The following LRRC56 variants were observed in gnomAD, a reference collection of about 807,000 sequenced individuals.
LRRC56 encodes leucine rich repeat containing 56.
In LRRC56, 41 loss-of-function variants were observed where a neutral mutation model predicts 47.8. The observed-to-expected ratio is 0.86, with a 90% CI of 0.67 to 1.11. LRRC56 has a LOEUF of 1.11. Among genes scored for constraint, LRRC56 ranks in the 50% most tolerant of loss-of-function variants. The pLI is 0.00. For missense variants in LRRC56, 759 were observed against 704.2 expected (o/e 1.08, Z -0.88); for synonymous variants, 387 against 311.2 (o/e 1.24, Z -2.56).
chr11:550,286 G>A lies in LRRC56; in HGVS notation c.624+14G>A. The A allele has an allele frequency of 1.3e-6, 2 of 1,531,906 alleles. No individual in the cohort carries two copies. The highest frequency in any genetic ancestry group is 2.4e-5 in the East Asian group (1 of 42,208). 94.9% of individuals were successfully genotyped at this position (1,531,906 alleles called of 1,614,324 possible). ...CCCACCAACAAGGTGCGTGTCCCGG[G>A]CACCCGGCCAGCATGTGCATGGCCA... On this transcript the variant is annotated intron_variant, in intron 8 of 13. Transcript: ENST00000270115.
At chr11:551,559 G>C (rs557955498) in intron 9 of LRRC56, 92 bp from the exon 10 acceptor site, 1 of 1,347,712 alleles carries the variant, frequency 7.4e-7, no homozygotes, top group African/African-American at 1.5e-5. Flanking sequence ...AGGCCATGCA[G>C]CATGGGGATT....
chr11:550,088 A>C lies in LRRC56; in HGVS notation c.440A>C (p.Tyr147Ser), dbSNP rs909525339. ...LPALKELYAS[Y>S]NNISDLSPLC... ...GCTGCCCAGGAACTCTACGCCTCCT[A>C]CAACAACATCTCGGACCTGAGCCCA... Residue 147 changes from tyrosine (Y) to serine (S), a missense_variant, in exon 8 of 14, where the codon TAC becomes TCC. Tyr to Ser is a moderately radical substitution (Grantham distance 144). Transcript: ENST00000270115. 4.3e-6 allele frequency: 7 copies of C among 1,612,422 alleles called. No homozygotes were observed. In the African/African-American group the frequency reaches 5.3e-5, roughly 12 times the overall value.
At chr11:548,765 G>GT (rs1564803881) in intron 6 of LRRC56, among the ~76,000 whole-genome samples, 1 of 152,160 alleles carries the variant, frequency 6.6e-6, no homozygotes, top group East Asian at 1.9e-4. Context: ...GCCTCAAGTG[G>GT]TTTTTTAAGG....
chr11:527,344 G>A, the LRRC56 span, among the ~76,000 whole-genome samples: 7 of 152,054 alleles, frequency 4.6e-5, no homozygotes, highest in South Asian at 2.1e-4. Context: ...TGCTAACCAC[G>A]AGCACCTTGC....
At chr11:510,637 C>T in the LRRC56 span, among the ~76,000 whole-genome samples, 1 of 152,148 alleles carries the variant, frequency 6.6e-6, no homozygotes, top group Non-Finnish European at 1.5e-5. Context: ...ACTCGGGAGA[C>T]TGAGGCATAA....
intron 6 of LRRC56, among the ~76,000 whole-genome samples, chr11:549,106 A>C (rs1375333987): frequency 3.9e-5 from 6 of 152,156 alleles, no homozygotes; most frequent in Non-Finnish European, 7.4e-5. Context: ...AGCTGAAAAC[A>C]CAGTGGGCGG....
rs1027803678 is a variant in LRRC56, at chr11:538,628, C to G, written c.-391C>G. The G allele has an allele frequency of 1.3e-5, 2 of 152,376 alleles. No individual in the cohort carries two copies. Among genetic ancestry groups the G allele is most frequent in the Non-Finnish European group, 2.9e-5 (2 of 68,156 alleles). 9.4% of individuals were successfully genotyped at this position (152,376 alleles called of 1,614,324 possible). ...CAACTCGCCTGGCACAGGGGCAGCT[C>G]TAGACGGGATGGAGAGGATGCATCT... On this transcript the variant is annotated 5_prime_UTR_variant, in exon 2 of 14. Transcript: ENST00000270115.
chr11:530,377 G>A, the LRRC56 span, among the ~76,000 whole-genome samples: 3,473 of 152,330 alleles, frequency 0.023, 54 homozygotes, highest in Non-Finnish European at 0.033. Context: ...GAAGTCTATC[G>A]ATGGGGAAGC....
chr11:525,041 A>AGCC, the LRRC56 span, among the ~76,000 whole-genome samples: 4 of 151,068 alleles, frequency 2.6e-5, no homozygotes, highest in Non-Finnish European at 4.4e-5. Flanking sequence ...GGTTGCAGTG[A>AGCC]GCCAAGATCT....
rs764740611 is a variant in LRRC56 at position 554,247 on chromosome 11, C to T, written c.1600C>T (p.Leu534Phe). The stretch of plus-strand genomic sequence containing the variant: ...AGCTAGACCTCCCAGGGCAGCTGAA[C>T]TCTCTCACCCCAGCCCCGTCCCCAC... ...AAARPPRAAE[L>F]SHPSPVPT is the part of the protein sequence containing the mutation. The change falls in exon 14 of 14, where the codon CTC (leucine) becomes TTC (phenylalanine). Residue 534 changes from leucine to phenylalanine, a missense_variant. Leu to Phe is a conservative substitution (Grantham distance 22). Coordinates refer to ENST00000270115, the MANE Select transcript of LRRC56 (RefSeq NM_198075.4). The T allele has an allele frequency of 4.6e-6, 7 of 1,506,326 alleles. No homozygotes were observed. The highest frequency in any genetic ancestry group is 6.2e-6 in the Non-Finnish European group (7 of 1,131,228). 93.3% of individuals were successfully genotyped at this position (1,506,326 alleles called of 1,614,324 possible).
chr11:530,475 GAGTGTGGCGTCCCCTGGAGAGAAGGGC>G, the LRRC56 span, among the ~76,000 whole-genome samples: 1 of 125,048 alleles, frequency 8.0e-6, no homozygotes, highest in African/African-American at 3.3e-5. Context: ...AGAGAAGGGC[GAGTGTGGCGTCCCCTGGAGAGAAGGGC>G]GAGTGTGGCG....
upstream of LRRC56, chr11:532,755 C>T: frequency 6.2e-7 from 1 of 1,612,628 alleles, no homozygotes; most frequent in Non-Finnish European, 8.5e-7. Context: ...TCCTCCACTC[C>T]CTGGGAAAGG....
the LRRC56 span, chr11:532,467 CTCCT>C: frequency 3.3e-6 from 3 of 909,078 alleles, no homozygotes; most frequent in Non-Finnish European, 5.0e-6. Context: ...TTCCTTCCTC[CTCCT>C]TCCGTCTGCA....
Position 541,719 on chromosome 11 carries a change from AC to A in LRRC56, c.265+97del. On this transcript the variant is annotated intron_variant, in intron 5 of 13. Coordinates refer to ENST00000270115, the MANE Select transcript of LRRC56 (RefSeq NM_198075.4). The surrounding 1 kb of genome is among the most constrained non-coding windows in gnomAD (Gnocchi z 4.1). The stretch of plus-strand genomic sequence containing the variant: ...TGGTTATGACGACAAAGCTGTCCTC[AC>A]CTCTCGGGCCGCGTATCGGCTTCCT... 1 of 765,984 alleles carries A rather than the reference AC, an allele frequency of 1.3e-6. No homozygotes were observed. The highest frequency in any genetic ancestry group is 2.1e-5 in the South Asian group (1 of 46,818). 47.4% of individuals were successfully genotyped at this position (765,984 alleles called of 1,614,324 possible).
chr11:515,074 CTCT>C, the LRRC56 span, among the ~76,000 whole-genome samples: 1 of 152,184 alleles, frequency 6.6e-6, no homozygotes, highest in African/African-American at 2.4e-5. Flanking sequence ...ATTGATTTTC[CTCT>C]TCTTACTTTC....
the LRRC56 span, among the ~76,000 whole-genome samples, chr11:510,479 T>C: frequency 4.6e-5 from 7 of 152,100 alleles, no homozygotes; most frequent in Non-Finnish European, 1.0e-4. Context: ...GGCTCACACC[T>C]GTAATCCCAG....
chr11:551,420 A>G, intron 9 of LRRC56, 118 bp downstream of exon 9: 1 of 811,550 alleles, frequency 1.2e-6, no homozygotes, highest in South Asian at 1.8e-5. Context: ...TCCAGCCTTG[A>G]CCCCGGTCCC....
At chr11:523,249 G>C in the LRRC56 span, among the ~76,000 whole-genome samples, 13 of 149,844 alleles carry the variant, frequency 8.7e-5, no homozygotes, top group East Asian at 2.0e-3. Flanking sequence ...TGCTGGTCTC[G>C]AACTCCCGAA....
chr11:547,323 T>C (rs1438943963), intron 6 of LRRC56, among the ~76,000 whole-genome samples: 1 of 151,828 alleles, frequency 6.6e-6, no homozygotes, highest in African/African-American at 2.4e-5. Context: ...GTACTTTTTT[T>C]TTTAGCTTAA....
Sources: gnomAD v4.1 joint callset for allele counts (sites outside exome capture counted in the v4.1 genomes callset) on GRCh38, gnomAD v4.1.1 for gene constraint, Gnocchi (gnomAD v3.1) non-coding constraint, MANE v1.5 for transcripts, NCBI Gene and HGNC (gene_info 2026-07-23, HGNC 2026-07-21) for gene names.